The following NELL2 variants were observed in gnomAD, a reference collection of about 807,000 sequenced individuals.
The protein encoded by NELL2 is protein kinase C-binding protein NELL2.
A neutral mutation model predicts 109.6 loss-of-function variants in NELL2; 41 were observed. The observed-to-expected ratio is 0.37, with a 90% CI of 0.29 to 0.49. The LOEUF (loss-of-function observed/expected upper bound fraction) is 0.49. NELL2 is among the 20% of genes least tolerant of loss of function. The pLI, the probability that NELL2 is intolerant of heterozygous loss-of-function variation, is 0.98. For synonymous variants in NELL2, 355 were observed against 344.7 expected (o/e 1.03, Z -0.33); for missense variants, 900 against 1,008.3 (o/e 0.89, Z 1.45).
Position 44,514,528 on chromosome 12 carries a change from T to A in NELL2, c.2400+5477A>T, listed in dbSNP as rs143153004. Among the ~76,000 whole-genome samples the A allele has an allele frequency of 5.6e-4, 84 of 151,086 alleles. 1 individual carries two copies. The highest frequency in any genetic ancestry group is 1.9e-3 in the African/African-American group (76 of 40,994). On this transcript the variant is annotated intron_variant, in intron 19 of 19. Transcript: ENST00000429094. Reference sequence around the variant, plus strand: ...TACAGTATATTATTATAATTATATTTTATTATTAGTTATTGTTGTCAATCT... The same window carrying A: ...TACAGTATATTATTATAATTATATTATATTATTAGTTATTGTTGTCAATCT...
intron 9 of NELL2, among the ~76,000 whole-genome samples, chr12:44,772,354 T>G (rs1352482683): frequency 2.0e-5 from 3 of 152,204 alleles, no homozygotes; most frequent in Admixed American, 2.0e-4. Flanking sequence ...TAAATACATA[T>G]GAAAATCTGT....
intron 3 of NELL2, among the ~76,000 whole-genome samples, chr12:44,800,378 A>C (rs1942787452): frequency 6.6e-6 from 1 of 152,136 alleles, no homozygotes; most frequent in South Asian, 2.1e-4. Context: ...TTGAGACGAG[A>C]GAGAGAGAGA....
chr12:44,781,726 C>G (rs1941966966), intron 3 of NELL2, among the ~76,000 whole-genome samples: 1 of 151,768 alleles, frequency 6.6e-6, no homozygotes, highest in Non-Finnish European at 1.5e-5. Flanking sequence ...CCATGGGAGC[C>G]ATAAAGAAGT....
intron 2 of NELL2, among the ~76,000 whole-genome samples, chr12:44,821,588 G>A (rs2136698247): frequency 6.6e-6 from 1 of 152,268 alleles, no homozygotes; most frequent in South Asian, 2.1e-4. Flanking sequence ...ATTACATAAT[G>A]TTCAGAGACT....
At chr12:44,628,939 T>A (rs1946359246) in intron 13 of NELL2, among the ~76,000 whole-genome samples, 1 of 152,158 alleles carries the variant, frequency 6.6e-6, no homozygotes. Flanking sequence ...TTGAGACTAG[T>A]GAATATGCAG....
chr12:44,899,952 G>A (rs755321620), intron 1 of NELL2, among the ~76,000 whole-genome samples: 2 of 152,050 alleles, frequency 1.3e-5, no homozygotes, highest in Non-Finnish European at 2.9e-5. Flanking sequence ...CAAAAGCAGA[G>A]GTTGCAATTT....
At chr12:44,566,738 A>T (rs1943675464) in intron 15 of NELL2, among the ~76,000 whole-genome samples, 1 of 152,206 alleles carries the variant, frequency 6.6e-6, no homozygotes, top group South Asian at 2.1e-4. Flanking sequence ...CATCATCTAT[A>T]CAAACAAGAA....
At chr12:44,620,242 C>T (rs1047011118) in intron 13 of NELL2, among the ~76,000 whole-genome samples, 1 of 151,242 alleles carries the variant, frequency 6.6e-6, no homozygotes, top group Non-Finnish European at 1.5e-5. Flanking sequence ...CAAATAAACA[C>T]TCTTCACCTC....
intron 13 of NELL2, among the ~76,000 whole-genome samples, chr12:44,646,061 G>T (rs1478902257): frequency 6.6e-6 from 1 of 151,926 alleles, no homozygotes; most frequent in Non-Finnish European, 1.5e-5. Flanking sequence ...GTCTGCAAGG[G>T]TATGTCTTTT....
intron 12 of NELL2, among the ~76,000 whole-genome samples, chr12:44,687,686 A>T (rs1175682942): frequency 6.6e-6 from 1 of 152,228 alleles, no homozygotes; most frequent in Non-Finnish European, 1.5e-5. Flanking sequence ...CAACAAATAT[A>T]ACCAGAACAT....
At chr12:44,910,830 T>C (rs1480588403) in intron 1 of NELL2, among the ~76,000 whole-genome samples, 1 of 151,988 alleles carries the variant, frequency 6.6e-6, no homozygotes, top group Non-Finnish European at 1.5e-5. Context: ...CTGGAGGCCA[T>C]AATCCTTTTT....
intron 9 of NELL2, among the ~76,000 whole-genome samples, chr12:44,770,494 A>G (rs1353517784): frequency 5.3e-5 from 8 of 152,310 alleles, no homozygotes; most frequent in South Asian, 2.1e-4. Flanking sequence ...ATATGCAAAG[A>G]TATTACAGTA....
At chr12:44,885,418 C>G (rs893325175) in intron 1 of NELL2, among the ~76,000 whole-genome samples, 2 of 151,970 alleles carry the variant, frequency 1.3e-5, no homozygotes, top group Non-Finnish European at 2.9e-5. Flanking sequence ...GCTACTGCAA[C>G]TAGTAAGTGG....
At chr12:44,631,594 T>C (rs571423857) in intron 13 of NELL2, among the ~76,000 whole-genome samples, 16 of 152,124 alleles carry the variant, frequency 1.1e-4, no homozygotes, top group Middle Eastern at 3.4e-3. Context: ...GCTCAATACA[T>C]GGGTAACAGT....
In NELL2 at chr12:44,567,029, C is replaced by T. The variant is rs138709690; in HGVS notation, c.1664-34308G>A. On this transcript the variant is annotated intron_variant, in intron 15 of 19. Coordinates refer to ENST00000429094, the MANE Select transcript of NELL2 (RefSeq NM_001145108.2). The stretch of plus-strand genomic sequence containing the variant: ...GTTTCACCATGTTGGTCAGGCTGGT[C>T]TCGAACTCCTGACCTTGTGATCCAC... Among the ~76,000 whole-genome samples, 68 of 152,206 alleles carry T rather than the reference C, an allele frequency of 4.5e-4. No homozygotes were observed. In the East Asian group the frequency reaches 0.013, roughly 29 times the overall value.
intron 12 of NELL2, among the ~76,000 whole-genome samples, chr12:44,693,681 T>A (rs899221460): frequency 6.6e-6 from 1 of 152,176 alleles, no homozygotes; most frequent in Admixed American, 6.5e-5. Context: ...TTGTTTTGAG[T>A]CTGAGAAAGT....
At chr12:44,609,208 C>T (rs189517205) in intron 14 of NELL2, among the ~76,000 whole-genome samples, 1 of 151,836 alleles carries the variant, frequency 6.6e-6, no homozygotes, top group African/African-American at 2.4e-5. Flanking sequence ...CCTTGGCCCC[C>T]CAAAGTGCTA....
chr12:44,699,656 T>C (rs1255561022), intron 12 of NELL2, among the ~76,000 whole-genome samples: 4 of 152,150 alleles, frequency 2.6e-5, no homozygotes, highest in African/African-American at 9.7e-5. Flanking sequence ...CCAAACTGGC[T>C]TGTATCACCA....
chr12:44,706,853 T>C (rs1438382441), intron 11 of NELL2, among the ~76,000 whole-genome samples: 1 of 152,160 alleles, frequency 6.6e-6, no homozygotes, highest in Non-Finnish European at 1.5e-5. Flanking sequence ...TCTAATCCCT[T>C]TGCAAGCTTT....
Sources: allele counts gnomAD v4.1 joint callset (sites outside exome capture counted in the v4.1 genomes callset), GRCh38; gene constraint gnomAD v4.1.1; transcripts MANE v1.5; gene names NCBI Gene and HGNC (gene_info 2026-07-23, HGNC 2026-07-21).